Variants in ENAH observed in about 807,000 individuals in gnomAD.
ENAH encodes the protein ENAH actin regulator.
ENAH carries 23 observed loss-of-function variants against 78.7 expected under a neutral mutation model. The ratio of observed to expected loss-of-function variants is 0.29; its 90% CI spans 0.21 to 0.41. The LOEUF (loss-of-function observed/expected upper bound fraction) is 0.41, where lower values mean the gene tolerates loss of function less well. Among genes scored for constraint, ENAH ranks in the 10% least tolerant of loss-of-function variants. ENAH has a pLI of 1.00. For missense variants in ENAH, 544 were observed against 691.0 expected, an observed-to-expected ratio of 0.79 and a Z score of 2.39; for synonymous variants, 226 against 241.0, an observed-to-expected ratio of 0.94 and a Z score of 0.58.
chr1:225,635,308 T>A (rs938531200), intron 1 of ENAH, among the ~76,000 whole-genome samples: 1 of 152,132 alleles, frequency 6.6e-6, no homozygotes, highest in African/African-American at 2.4e-5. Context: ...GCCTCCCAAA[T>A]TGCTGGGAAT....
At chr1:225,600,267 G>T (rs1020687360) in intron 1 of ENAH, among the ~76,000 whole-genome samples, 1 of 151,966 alleles carries the variant, frequency 6.6e-6, no homozygotes, top group East Asian at 1.9e-4. Flanking sequence ...TTCGGGAGAC[G>T]GAGGCCGGGA....
At position 225,489,204 on chromosome 1, in the gene ENAH, T is replaced by C. The variant is rs1202324629; in HGVS notation, c.*8571A>G. 1 of 152,214 alleles carries C rather than the reference T, an allele frequency of 6.6e-6. No homozygotes were observed. The highest frequency in any genetic ancestry group is 2.4e-5 in the African/African-American group (1 of 41,456). 9.4% of individuals were successfully genotyped at this position (152,214 alleles called of 1,614,324 possible). On this transcript the variant is annotated 3_prime_UTR_variant, in exon 14 of 14. Transcript: ENST00000366843. ...TCAAATGGACCTTCTGCTATTCATA[T>C]AATTGGAGCATGGATCTCGTGTGGT...
At chr1:225,587,274 T>A (rs897100504) in intron 1 of ENAH, among the ~76,000 whole-genome samples, 4 of 152,168 alleles carry the variant, frequency 2.6e-5, no homozygotes, top group African/African-American at 7.2e-5. Flanking sequence ...TTGCTGCTTA[T>A]GGAAAATCCT....
At chr1:225,571,694 C>CG (rs1296128049) in intron 1 of ENAH, among the ~76,000 whole-genome samples, 1 of 152,138 alleles carries the variant, frequency 6.6e-6, no homozygotes, top group African/African-American at 2.4e-5. Context: ...GGAAGGGAGA[C>CG]GGACTAGAGA....
rs147659757 is a variant in ENAH at position 225,528,719 on chromosome 1, A to C, written c.434+1835T>G. Among the ~76,000 whole-genome samples the C allele has an allele frequency of 1.2e-4, 18 of 152,294 alleles. No homozygotes were observed. The East Asian group carries it at 3.3e-3, about 28-fold the overall frequency. ...CAGAAAGGGTAGGAGTTATATGTTT[A>C]GAATTCTTCCTTAGTCTCCTAGAGA... On this transcript the variant is annotated intron_variant, in intron 4 of 13. Coordinates refer to ENST00000366843, the MANE Select transcript of ENAH (RefSeq NM_018212.6).
intron 1 of ENAH, among the ~76,000 whole-genome samples, chr1:225,583,389 G>A (rs542755491): frequency 8.9e-5 from 13 of 145,770 alleles, no homozygotes; most frequent in South Asian, 4.3e-4. Flanking sequence ...AGCCAAGATC[G>A]CGCCATTGCA....
intron 3 of ENAH, among the ~76,000 whole-genome samples, chr1:225,543,900 A>C (rs2096601181): frequency 6.6e-6 from 1 of 152,210 alleles, no homozygotes; most frequent in African/African-American, 2.4e-5. Flanking sequence ...TACCTTACCT[A>C]GATTATGAAA....
intron 3 of ENAH, among the ~76,000 whole-genome samples, chr1:225,537,968 C>T (rs577782760): frequency 6.6e-6 from 1 of 152,246 alleles, no homozygotes; most frequent in African/African-American, 2.4e-5. Flanking sequence ...ATTTTCACAA[C>T]CAGCAGTTTC....
intron 3 of ENAH, among the ~76,000 whole-genome samples, chr1:225,551,802 A>T (rs1350433497): frequency 2.0e-5 from 3 of 152,160 alleles, no homozygotes; most frequent in Non-Finnish European, 2.9e-5. Context: ...AACAGGCAAG[A>T]CTAATATTTG....
chr1:225,598,658 T>C (rs1432737789), intron 1 of ENAH, among the ~76,000 whole-genome samples: 2 of 151,006 alleles, frequency 1.3e-5, no homozygotes, highest in African/African-American at 2.4e-5. Flanking sequence ...TATCCATCTA[T>C]TGGAAAACAG....
Position 225,639,705 on chromosome 1 carries a change from AACACACACAC to A in ENAH, c.5+12971_5+12980del, listed in dbSNP as rs374646635. 1.2e-3 allele frequency among the ~76,000 whole-genome samples: 166 copies of A among 138,628 alleles called. 1 individual carries two copies. The highest frequency in any genetic ancestry group is 1.4e-3 in the Non-Finnish European group (88 of 64,796). The allele number at this position is 138,628 out of a possible 152,430, so 90.9% of individuals were successfully genotyped here. A position where few individuals can be genotyped will look rare whatever the true frequency, so the allele number is the denominator to read the frequency against. On this transcript the variant is annotated intron_variant, in intron 1 of 13. Transcript: ENST00000366843. ...CACAAAATGGACTATGGCGGGATTA[AACACACACAC>A]ACACACACACACACACACACACACA...
chr1:225,525,636 T>C (rs568617164), intron 4 of ENAH, among the ~76,000 whole-genome samples: 61 of 152,330 alleles, frequency 4.0e-4, no homozygotes, highest in Non-Finnish European at 6.3e-4. Flanking sequence ...CTTTCCTAAG[T>C]TGGATTCCTT....
Position 225,497,069 on chromosome 1 carries a change from G to C in ENAH, c.*706C>G, listed in dbSNP as rs895452659. The stretch of plus-strand genomic sequence containing the variant: ...TTTGGTAAAGCATTGTAACAATTTA[G>C]GAAGGCATCTAAATCTTTAAGTTCT... On this transcript the variant is annotated 3_prime_UTR_variant, in exon 14 of 14. Transcript: ENST00000366843. 6.6e-6 allele frequency: 1 copy of C among 152,538 alleles called. No individual in the cohort carries two copies. The highest frequency in any genetic ancestry group is 1.5e-5 in the Non-Finnish European group (1 of 68,010). The allele number at this position is 152,538 out of a possible 1,614,324, so 9.4% of individuals were successfully genotyped here.
chr1:225,497,255 T>C lies in ENAH; in HGVS notation c.*520A>G, dbSNP rs1486396423. ...ACAATTCCATTTGTTCCACATATTA[T>C]GATCTTAACTTACATAGGGCTGATC... On this transcript the variant is annotated 3_prime_UTR_variant, in exon 14 of 14. Transcript: ENST00000366843. 6.5e-6 allele frequency: 1 copy of C among 152,690 alleles called. No homozygotes were observed. Among genetic ancestry groups the C allele is most frequent in the East Asian group, 1.9e-4 (1 of 5,202 alleles). The allele number at this position is 152,690 out of a possible 1,614,324, so 9.5% of individuals were successfully genotyped here.
chr1:225,582,433 G>A (rs778714326), intron 1 of ENAH, among the ~76,000 whole-genome samples: 17 of 152,000 alleles, frequency 1.1e-4, no homozygotes, highest in South Asian at 2.1e-4. Flanking sequence ...GGAATAATAC[G>A]GGGAGAGTTC....
intron 1 of ENAH, among the ~76,000 whole-genome samples, chr1:225,580,970 T>C (rs1391714378): frequency 8.3e-6 from 1 of 119,974 alleles, no homozygotes; most frequent in East Asian, 2.3e-4. Flanking sequence ...CCGTGACTTT[T>C]AGCACACATA....
chr1:225,555,189 C>A (rs1463731063), intron 2 of ENAH, 106 bp from the exon 3 acceptor site: 3 of 984,452 alleles, frequency 3.0e-6, no homozygotes, highest in Non-Finnish European at 4.2e-6. Flanking sequence ...CCTAACAGAC[C>A]TTGGCAAAAA....
intron 4 of ENAH, among the ~76,000 whole-genome samples, chr1:225,522,278 C>T (rs1341138067): frequency 6.6e-6 from 1 of 152,146 alleles, no homozygotes; most frequent in Non-Finnish European, 1.5e-5. Context: ...GTTTCCTAAG[C>T]TGGCTATACA....
At chr1:225,522,998 C>T (rs563395226) in intron 4 of ENAH, among the ~76,000 whole-genome samples, 2 of 152,064 alleles carry the variant, frequency 1.3e-5, no homozygotes, top group East Asian at 1.9e-4. Flanking sequence ...TCAACCCTCC[C>T]ACCCGTTTCC....
Sources: allele counts gnomAD v4.1 joint callset (sites outside exome capture counted in the v4.1 genomes callset), GRCh38; gene constraint gnomAD v4.1.1; transcripts MANE v1.5; gene names NCBI Gene and HGNC (gene_info 2026-07-23, HGNC 2026-07-21).